The following WDR81 variants were observed in gnomAD, a reference collection of about 807,000 sequenced individuals.
WDR81 encodes WD repeat-containing protein 81.
A neutral mutation model predicts 140.8 loss-of-function variants in WDR81; 92 were observed. The ratio of observed to expected loss-of-function variants is 0.65; its 90% confidence interval spans 0.55 to 0.78. The LOEUF (loss-of-function observed/expected upper bound fraction) is 0.78, where lower values mean the gene tolerates loss of function less well. Among genes scored for constraint, WDR81 ranks in the 30% least tolerant of loss-of-function variants. The pLI is 0.00. For synonymous variants in WDR81, 1,183 were observed against 1,156.4 expected, an observed-to-expected ratio of 1.02 and a Z score of -0.47; for missense variants, 2,502 against 2,636.4, an observed-to-expected ratio of 0.95 and a Z score of 1.12.
rs111944077 is a variant in WDR81 at position 1,730,065 on chromosome 17, G to T, written c.3668-315G>T. ...TTATGGCGAGACCGAGGGAGTGGAG[G>T]GAAGAGAGGCCAGAGGGAAGGTGGC... On this transcript the variant is annotated intron_variant, in intron 1 of 9. Transcript: ENST00000409644. 3.6e-3 allele frequency among the ~76,000 whole-genome samples: 544 copies of T among 152,272 alleles called. 4 individuals are homozygous for T. The highest frequency in any genetic ancestry group is 0.013 in the African/African-American group (520 of 41,564).
chr17:1,719,098 CAACT>C (rs2151154738), intron 1 of WDR81, among the ~76,000 whole-genome samples: 1 of 152,284 alleles, frequency 6.6e-6, no homozygotes, highest in Non-Finnish European at 1.5e-5. Flanking sequence ...AAATCTCCTC[CAACT>C]GAGAACTACT....
chr17:1,719,884 C>G (rs1009213126), upstream of WDR81, among the ~76,000 whole-genome samples: 8 of 151,118 alleles, frequency 5.3e-5, no homozygotes, highest in African/African-American at 1.9e-4. Flanking sequence ...TCTGTGGTCC[C>G]AGCTACTCAG....
chr17:1,728,348 C>G lies in WDR81; in HGVS notation c.3389C>G (p.Ala1130Gly). The G allele has an allele frequency of 6.2e-7, 1 of 1,612,830 alleles. No individual in the cohort carries two copies. Among genetic ancestry groups the G allele is most frequent in the African/African-American group, 1.3e-5 (1 of 75,038 alleles). The change falls in exon 1 of 10, where the codon GCC becomes GGC. Residue 1130 changes from alanine (A) to glycine (G), a missense_variant. This residue lies in a region of WDR81 where 1,737 missense variants were observed against 1,843.0 expected (regional missense o/e 0.94). Coordinates refer to ENST00000409644, the MANE Select transcript of WDR81 (RefSeq NM_001163809.2). ...GAGCGGGCTCCAGACGAGGGGGGTGCCCCCGTGGACAAGAGCAGCCTTCGA... is the reference window on the plus strand; with the variant it reads ...GAGCGGGCTCCAGACGAGGGGGGTGGCCCCGTGGACAAGAGCAGCCTTCGA... Reference protein sequence around the residue: ...GEERAPDEGGAPVDKSSLRSG... With the variant: ...GEERAPDEGGGPVDKSSLRSG...
Position 1,731,495 on chromosome 17 carries a change from G to C in WDR81, c.4157+237G>C, listed in dbSNP as rs548472762. ...TCATTTAAAGCTTTTGATATGTCCG[G>C]GCACGGTGGCTCATGCCTGTAATCC... On this transcript the variant is annotated intron_variant, in intron 4 of 9. Coordinates refer to ENST00000409644, the MANE Select transcript of WDR81 (RefSeq NM_001163809.2). Among the ~76,000 whole-genome samples, 5 of 152,324 alleles carry C rather than the reference G, an allele frequency of 3.3e-5. 1 individual carries two copies. In the South Asian group the frequency reaches 1.0e-3, roughly 32 times the overall value.
rs775445261 is a variant in WDR81 at position 1,733,565 on chromosome 17, G to C, written c.4528G>C (p.Val1510Leu). The C allele has an allele frequency of 1.3e-6, 2 of 1,524,938 alleles. No homozygotes were observed. Among genetic ancestry groups the C allele is most frequent in the South Asian group, 2.6e-5 (2 of 76,876 alleles). The allele number at this position is 1,524,938 out of a possible 1,614,324, so 94.5% of individuals were successfully genotyped here. ...IRKIIPNHELVGELAALYLES... is the reference protein window; with the variant it reads ...IRKIIPNHELLGELAALYLES... Reference sequence around the variant, plus strand: ...GAAAATCATCCCCAACCACGAGCTGGTTGGGGAGCTGGCGGCGCTGTACTT... The same window carrying C: ...GAAAATCATCCCCAACCACGAGCTGCTTGGGGAGCTGGCGGCGCTGTACTT... Residue 1510 changes from valine to leucine, a missense_variant, in exon 7 of 10, where the codon GTT (valine) becomes CTT (leucine). This residue lies in a region of WDR81 where 1,737 missense variants were observed against 1,843.0 expected (regional missense o/e 0.94). Coordinates refer to ENST00000409644, the MANE Select transcript of WDR81 (RefSeq NM_001163809.2).
rs1174178632 is a variant in WDR81, at chr17:1,726,694, G to A, written c.1735G>A (p.Gly579Arg). ...CGCCCACACTCACCTGGCCAGCTAC[G>A]GGGTGGTGCAGCTCTTCGATCAGCC... ...VDAHTHLASY[G>R]VVQLFDQPHP... The change falls in exon 1 of 10, where the codon GGG (glycine) becomes AGG (arginine). Residue 579 changes from glycine (G) to arginine (R), a missense_variant. Gly to Arg is a moderately radical substitution (Grantham distance 125, BLOSUM62 -2). Around this residue, in one of 3 missense-constraint regions of WDR81, gnomAD observed 1,737 missense variants for 1,843.0 expected, o/e 0.94. Coordinates refer to ENST00000409644, the MANE Select transcript of WDR81 (RefSeq NM_001163809.2). The A allele has an allele frequency of 3.9e-6, 6 of 1,549,496 alleles. No homozygotes were observed. The highest frequency in any genetic ancestry group is 1.4e-5 in the African/African-American group (1 of 73,046).
At chr17:1,721,035 A>C (rs78516214), upstream of WDR81, among the ~76,000 whole-genome samples, 5,032 of 152,302 alleles carry the variant, frequency 0.033, 113 homozygotes, top group Middle Eastern at 0.051. Context: ...CAATCTAGGT[A>C]AACTGAGACC....
intron 1 of WDR81, among the ~76,000 whole-genome samples, chr17:1,719,465 G>C (rs1228233621): frequency 6.6e-6 from 1 of 151,542 alleles, no homozygotes; most frequent in South Asian, 2.1e-4. Context: ...GGAGAGTGGC[G>C]TGAACCCAGG....
In WDR81 at chr17:1,737,346, C is replaced by T. The variant is rs62090051; in HGVS notation, c.5506-19C>T. On this transcript the variant is annotated intron_variant, in intron 9 of 9. Transcript: ENST00000409644. ...AGAAGGACCCAGGCTCCTGCTGAGG[C>T]TCTCCTCTCCCGGGACAGGCGGTGG... 6.3e-7 allele frequency: 1 copy of T among 1,582,578 alleles called. No homozygotes were observed.
chr17:1,728,148 G>C lies in WDR81; in HGVS notation c.3189G>C (p.Gly1063=), dbSNP rs1479357245. 3.7e-6 allele frequency: 6 copies of C among 1,607,132 alleles called. No homozygotes were observed. The highest frequency in any genetic ancestry group is 5.1e-6 in the Non-Finnish European group (6 of 1,175,860). The stretch of plus-strand genomic sequence containing the variant: ...AGCCTCCTGCCTCCTCGGGCCTGGG[G>C]CTCCCAGACTACACGTCTGGCGTCA... The part of the protein sequence containing the change: ...DGEPPASSGL[G]LPDYTSGVSF... Residue 1063 remains glycine, a synonymous_variant, in exon 1 of 10, where the codon GGG becomes GGC. Transcript: ENST00000409644.
In WDR81 at chr17:1,735,624, G is replaced by T. The variant is rs568543892; in HGVS notation, c.5232G>T (p.Ala1744=). 2 of 1,612,658 alleles carry T rather than the reference G, an allele frequency of 1.2e-6. No homozygotes were observed. The highest frequency in any genetic ancestry group is 2.7e-5 in the African/African-American group (2 of 74,874). Residue 1744 remains alanine (A), a synonymous_variant, in exon 8 of 10, where the codon GCG becomes GCT. Coordinates refer to ENST00000409644, the MANE Select transcript of WDR81 (RefSeq NM_001163809.2). The surrounding 1 kb of genome is among the most constrained non-coding windows in gnomAD (Gnocchi z 4.2). The part of the protein sequence containing the change: ...EPLDSRVPLT[A]VAVMPAPHTS... Reference sequence around the variant, plus strand: ...TGGACAGCCGGGTGCCCCTGACTGCGGTGGCTGTCATGCCCGCCCCCCACA... The same window carrying T: ...TGGACAGCCGGGTGCCCCTGACTGCTGTGGCTGTCATGCCCGCCCCCCACA...
In WDR81 at chr17:1,733,160, C is replaced by T. The variant is rs142786902; in HGVS notation, c.4489+329C>T. On this transcript the variant is annotated intron_variant, in intron 6 of 9. Transcript: ENST00000409644. ...CGAAGCTTCCCCTCTGGGCCCTGCA[C>T]GGTGCTGTGCTGATCGTTTCAGCGT... 5.0e-3 allele frequency among the ~76,000 whole-genome samples: 754 copies of T among 152,256 alleles called. 8 individuals are homozygous for T. The highest frequency in any genetic ancestry group is 0.017 in the African/African-American group (715 of 41,548).
rs781319467 is a variant in WDR81, at chr17:1,735,761, G to A, written c.5325+44G>A. Reference sequence around the variant, plus strand: ...CCTGAGCACTCGCCTGGTTCTCTGGGGACCTGGCAAGGAGGAGAGACTCCC... The same window carrying A: ...CCTGAGCACTCGCCTGGTTCTCTGGAGACCTGGCAAGGAGGAGAGACTCCC... On this transcript the variant is annotated intron_variant, in intron 8 of 9. Transcript: ENST00000409644. The surrounding 1 kb of genome is among the most constrained non-coding windows in gnomAD (Gnocchi z 4.2). The A allele has an allele frequency of 1.9e-6, 3 of 1,569,680 alleles. No homozygotes were observed. The highest frequency in any genetic ancestry group is 2.6e-6 in the Non-Finnish European group (3 of 1,157,430).
At chr17:1,731,699 T>A (rs932005998) in intron 4 of WDR81, among the ~76,000 whole-genome samples, 9 of 150,894 alleles carry the variant, frequency 6.0e-5, no homozygotes, top group Non-Finnish European at 1.3e-4. Flanking sequence ...GTCAGGAGTT[T>A]GAGACCCACC....
chr17:1,731,917 A>G (rs1904378421), intron 4 of WDR81, among the ~76,000 whole-genome samples: 1 of 126,378 alleles, frequency 7.9e-6, no homozygotes, highest in Non-Finnish European at 1.6e-5. Flanking sequence ...ACAGAGCAAG[A>G]CTCTGTCTCA....
rs112361536 is a variant in WDR81 at position 1,727,948 on chromosome 17, C to T, written c.2989C>T (p.Leu997=). The change falls in exon 1 of 10, where the codon CTG becomes TTG. Residue 997 remains leucine (L), a synonymous_variant. Coordinates refer to ENST00000409644, the MANE Select transcript of WDR81 (RefSeq NM_001163809.2). ...FVAQLMVRLG[L]QAFLTHLLPH... ...GGCCCAGCTGATGGTGCGGCTGGGC[C>T]TGCAGGCATTTCTCACTCACCTGCT... The T allele has an allele frequency of 6.5e-7, 1 of 1,550,220 alleles. No homozygotes were observed. Among genetic ancestry groups the T allele is most frequent in the African/African-American group, 1.4e-5 (1 of 73,072 alleles).
chr17:1,717,919 C>G (rs1324936795), intron 1 of WDR81, among the ~76,000 whole-genome samples: 1 of 152,104 alleles, frequency 6.6e-6, no homozygotes, highest in African/African-American at 2.4e-5. Context: ...GTGGCTGGCG[C>G]TGGGGAGGGT....
upstream of WDR81, among the ~76,000 whole-genome samples, chr17:1,721,325 C>T (rs1025224172): frequency 4.6e-5 from 7 of 151,370 alleles, no homozygotes; most frequent in Non-Finnish European, 7.4e-5. Context: ...TGCCATTGCA[C>T]TCCAGCCTGG....
In WDR81 at chr17:1,730,483, T is replaced by C. The variant is rs1484029774; in HGVS notation, c.3771T>C (p.Tyr1257=). The change falls in exon 2 of 10, where the codon TAT becomes TAC. Residue 1257 remains tyrosine (Y), a synonymous_variant. Coordinates refer to ENST00000409644, the MANE Select transcript of WDR81 (RefSeq NM_001163809.2). ...RNLLRLLTSC[Y]VGPTRQQFTV... is the part of the protein sequence containing the mutation. ...TGCTCCGCCTGCTGACGTCTTGTTA[T>C]GTTGGTAAGGAGGCCTGCGGTCAGT... 1.9e-6 allele frequency: 3 copies of C among 1,612,754 alleles called. No individual in the cohort carries two copies. Among genetic ancestry groups the C allele is most frequent in the Admixed American group, 3.3e-5 (2 of 59,926 alleles).
Sources: allele counts gnomAD v4.1 joint callset (sites outside exome capture counted in the v4.1 genomes callset), GRCh38; gene constraint gnomAD v4.1.1; regional missense constraint gnomAD v4.1.1; non-coding constraint Gnocchi (gnomAD v3.1); transcripts MANE v1.5; gene names NCBI Gene and HGNC (gene_info 2026-07-23, HGNC 2026-07-21).